The following SYNJ1 variants were observed in gnomAD, a reference collection of about 807,000 sequenced individuals.
SYNJ1 encodes synaptojanin 1, also known as polyphosphatidylinositol phosphatase SYNJ1.
Under a neutral mutation model 168.2 loss-of-function variants are expected in SYNJ1, and 78 were observed. The ratio of observed to expected loss-of-function variants is 0.46; its 90% CI spans 0.39 to 0.56. The LOEUF (loss-of-function observed/expected upper bound fraction) is 0.56. Among genes scored for constraint, SYNJ1 ranks in the 20% least tolerant of loss-of-function variants. The pLI is 0.00. For missense variants in SYNJ1, 1,303 were observed against 1,597.6 expected (o/e 0.82, Z 3.14); for synonymous variants, 539 against 548.6 (o/e 0.98, Z 0.24).
intron 21 of SYNJ1, chr21:32,653,938 C>T (rs532888007): frequency 6.6e-6 from 1 of 151,694 alleles, no homozygotes; most frequent in African/African-American, 2.4e-5. Flanking sequence ...CTTCAATGGT[C>T]TTTGATAGGA....
chr21:32,707,814 C>T (rs1462059450), intron 2 of SYNJ1, among the ~76,000 whole-genome samples: 2 of 152,112 alleles, frequency 1.3e-5, no homozygotes, highest in East Asian at 1.9e-4. Context: ...GTTGGGAGAT[C>T]GAAACCAGCC....
intron 2 of SYNJ1, among the ~76,000 whole-genome samples, 160 bp from the exon 3 acceptor site, chr21:32,702,207 C>T (rs1041119828): frequency 2.6e-5 from 4 of 152,116 alleles, no homozygotes; most frequent in African/African-American, 9.7e-5. Flanking sequence ...GTATTCTTCC[C>T]AAAGAGTTAA....
chr21:32,657,813 C>T lies in SYNJ1; in HGVS notation c.2364G>A (p.Leu788=). 2 of 1,614,112 alleles carry T rather than the reference C, an allele frequency of 1.2e-6. No homozygotes were observed. The highest frequency in any genetic ancestry group is 1.7e-6 in the Non-Finnish European group (2 of 1,179,990). ...VTFAPTYKYD[L]FSDDYDTSEK... The stretch of plus-strand genomic sequence containing the variant: ...CACTGGTGTCATAGTCGTCAGAAAA[C>T]AAGTCATACTTATATGTCGGAGCAA... The change falls in exon 19 of 33, where the codon TTG becomes TTA. Residue 788 remains leucine, a synonymous_variant. Coordinates refer to ENST00000674351, the MANE Select transcript of SYNJ1 (RefSeq NM_203446.3).
intron 29 of SYNJ1, 64 bp downstream of exon 29, chr21:32,641,832 A>G: frequency 8.0e-7 from 1 of 1,255,922 alleles, no homozygotes; most frequent in Non-Finnish European, 1.1e-6. Flanking sequence ...AGGTAACAAA[A>G]CTGACTAGTA....
At chr21:32,684,938 G>A (rs2041767189) in intron 9 of SYNJ1, among the ~76,000 whole-genome samples, 1 of 152,146 alleles carries the variant, frequency 6.6e-6, no homozygotes, top group East Asian at 1.9e-4. Flanking sequence ...CCAGCACTTT[G>A]GGAGGCGGAG....
chr21:32,642,540 C>T (rs1307663408), intron 27 of SYNJ1, among the ~76,000 whole-genome samples: 3 of 152,216 alleles, frequency 2.0e-5, no homozygotes, highest in Admixed American at 6.5e-5. Context: ...GACAGGACTG[C>T]ATTTGTCAAA....
At chr21:32,686,049 T>A (rs1235006790) in intron 8 of SYNJ1, 132 bp from the exon 9 acceptor site, 1 of 831,424 alleles carries the variant, frequency 1.2e-6, no homozygotes, top group African/African-American at 1.8e-5. Context: ...CCCTGAGAGA[T>A]ACGGTGACAC....
At chr21:32,694,921 A>G (rs912291061) in intron 5 of SYNJ1, 136 bp downstream of exon 5, 4 of 974,286 alleles carry the variant, frequency 4.1e-6, no homozygotes, top group South Asian at 4.0e-5. Context: ...TTTAAGGCCC[A>G]TAAGTAACCA....
chr21:32,681,035 TTAC>T (rs1264639533), intron 11 of SYNJ1, among the ~76,000 whole-genome samples: 1 of 152,198 alleles, frequency 6.6e-6, no homozygotes, highest in African/African-American at 2.4e-5. Flanking sequence ...GTTGATGGAC[TTAC>T]TTGTCCAAGT....
intron 12 of SYNJ1, among the ~76,000 whole-genome samples, chr21:32,678,055 GTTT>G (rs200625507): frequency 6.6e-6 from 1 of 151,524 alleles, no homozygotes; most frequent in African/African-American, 2.4e-5. Flanking sequence ...GATAGGAGAA[GTTT>G]TTTTTTAAAA....
intron 2 of SYNJ1, among the ~76,000 whole-genome samples, chr21:32,704,974 C>G (rs1312567226): frequency 6.6e-6 from 1 of 151,778 alleles, no homozygotes; most frequent in African/African-American, 2.4e-5. Context: ...ATGGTGAAAC[C>G]CTGTCTCTAC....
At position 32,641,928 on chromosome 21, in the gene SYNJ1, G is replaced by C. The variant is rs777317691; in HGVS notation, c.3556C>G (p.Pro1186Ala). 9.9e-6 allele frequency: 16 copies of C among 1,613,620 alleles called. No individual in the cohort carries two copies. The South Asian group carries it at 1.6e-4, about 17-fold the overall frequency. Residue 1186 changes from proline to alanine, a missense_variant, in exon 29 of 33, where the codon CCA becomes GCA. Physicochemically the swap from Pro to Ala is conservative, Grantham distance 27. Transcript: ENST00000674351. ...GCTGTACTGTATCCAGCAGGTCCTG[G>C]GCCTGCAAGTCCTGCTTGAGGTGAA... The part of the protein sequence containing the change: ...QPSPQAGLAG[P>A]GPAGYSTARP...
intron 11 of SYNJ1, among the ~76,000 whole-genome samples, chr21:32,680,813 C>T (rs968249985): frequency 2.0e-5 from 3 of 152,044 alleles, no homozygotes; most frequent in Admixed American, 1.3e-4. Context: ...GATGTGGTTT[C>T]GCTATGTTGG....
intron 32 of SYNJ1, among the ~76,000 whole-genome samples, chr21:32,632,036 A>G (rs1371999539): frequency 6.6e-6 from 1 of 152,212 alleles, no homozygotes; most frequent in Non-Finnish European, 1.5e-5. Context: ...AAATCCCTCA[A>G]AATCAAAGAG....
Position 32,666,445 on chromosome 21 carries a change from G to C in SYNJ1, c.1940C>G (p.Ala647Gly). 1 of 1,613,820 alleles carries C rather than the reference G, an allele frequency of 6.2e-7. No individual in the cohort carries two copies. The highest frequency in any genetic ancestry group is 1.1e-5 in the South Asian group (1 of 91,002). The change falls in exon 16 of 33, where the codon GCT becomes GGT. Residue 647 changes from alanine to glycine, a missense_variant. By Grantham distance (60) the Ala-to-Gly change is moderately conservative. Coordinates refer to ENST00000674351, the MANE Select transcript of SYNJ1 (RefSeq NM_203446.3). ...CLFVFIRPQH[A>G]PFIRDVAVDT... ...TCTGTTTACTGACCTGATAAAAGGA[G>C]CATGCTGTGGTCTGATAAAAACAAA...
At chr21:32,666,308 C>T (rs1267303202) in intron 16 of SYNJ1, 125 bp downstream of exon 16, 1 of 1,478,822 alleles carries the variant, frequency 6.8e-7, no homozygotes, top group South Asian at 1.4e-5. Flanking sequence ...ACCCCCAAAA[C>T]CCCATTTTAA....
chr21:32,719,677 C>T (rs1391371555), intron 2 of SYNJ1, among the ~76,000 whole-genome samples: 2 of 149,884 alleles, frequency 1.3e-5, no homozygotes, highest in African/African-American at 4.9e-5. Flanking sequence ...CGTGCCATTG[C>T]ACTCCAACCT....
intron 30 of SYNJ1, 143 bp downstream of exon 30, chr21:32,639,528 A>C (rs908316977): frequency 1.2e-5 from 8 of 653,676 alleles, no homozygotes; most frequent in Admixed American, 2.7e-5. Flanking sequence ...AGTAGCTGGG[A>C]CCACAGGCAT....
intron 4 of SYNJ1, among the ~76,000 whole-genome samples, chr21:32,698,383 G>A (rs930036448): frequency 7.2e-5 from 11 of 152,270 alleles, no homozygotes; most frequent in Non-Finnish European, 1.5e-4. Flanking sequence ...GGTGACACCC[G>A]AATGTGCTAC....
Sources: allele counts gnomAD v4.1 joint callset (sites outside exome capture counted in the v4.1 genomes callset), GRCh38; gene constraint gnomAD v4.1.1; transcripts MANE v1.5; gene names NCBI Gene and HGNC (gene_info 2026-07-23, HGNC 2026-07-21).